Variants in STXBP5L observed in about 807,000 individuals in gnomAD.
STXBP5L encodes syntaxin binding protein 5L.
A neutral mutation model predicts 144.5 loss-of-function variants in STXBP5L; 65 were observed. That is an observed-to-expected ratio of 0.45 (90% CI 0.37 to 0.55). STXBP5L has a LOEUF of 0.55. Ranked by LOEUF, STXBP5L falls within the 20% of genes least tolerant of loss-of-function variation. The pLI is 0.00. For synonymous variants in STXBP5L, 505 were observed against 469.6 expected, an observed-to-expected ratio of 1.08 and a Z score of -0.97; for missense variants, 1,298 against 1,405.5, an observed-to-expected ratio of 0.92 and a Z score of 1.22.
In STXBP5L at chr3:121,351,334, G is replaced by C. The variant is rs987176539; in HGVS notation, c.2177-27382G>C. ...TTCCTCTGGAAGTTTTGTCTCAGAG[G>C]AGTACCCGGCCGTGTCAGGTGTCAG... On this transcript the variant is annotated intron_variant, in intron 20 of 26. Coordinates refer to ENST00000471454, the MANE Select transcript of STXBP5L (RefSeq NM_001308330.2). Among the ~76,000 whole-genome samples the C allele has an allele frequency of 2.0e-5, 3 of 152,254 alleles. No homozygotes were observed. The East Asian group carries it at 5.8e-4, about 29-fold the overall frequency.
intron 2 of STXBP5L, among the ~76,000 whole-genome samples, chr3:120,933,021 G>C (rs1317908920): frequency 6.9e-6 from 1 of 143,912 alleles, no homozygotes; most frequent in Admixed American, 7.1e-5. Context: ...CATAGGAAGG[G>C]GAACATCACA....
At chr3:120,934,020 T>C (rs1032317615) in intron 2 of STXBP5L, among the ~76,000 whole-genome samples, 6 of 114,366 alleles carry the variant, frequency 5.2e-5, no homozygotes, top group Admixed American at 5.0e-4. Flanking sequence ...AATTTTGAGC[T>C]TTTTTTTTGC....
intron 3 of STXBP5L, among the ~76,000 whole-genome samples, chr3:120,978,779 G>A (rs1468094445): frequency 1.3e-5 from 2 of 152,204 alleles, no homozygotes; most frequent in African/African-American, 2.4e-5. Flanking sequence ...ACCCTCAGCT[G>A]CAGGTCTGTT....
At chr3:121,086,129 A>T (rs1174453764) in intron 5 of STXBP5L, among the ~76,000 whole-genome samples, 1 of 152,136 alleles carries the variant, frequency 6.6e-6, no homozygotes, top group Admixed American at 6.5e-5. Flanking sequence ...TTAAAACTGG[A>T]CCCCTTCCTT....
In STXBP5L at chr3:121,110,936, C is replaced by A. The variant is rs367740807; in HGVS notation, c.471-3989C>A. On this transcript the variant is annotated intron_variant, in intron 5 of 26. Transcript: ENST00000471454. ...AGGTTTTATTCATTCCTTTTCATTC[C>A]TTTTTCTTTTTTTTCCTAATCTTAT... 3.3e-5 allele frequency among the ~76,000 whole-genome samples: 5 copies of A among 151,904 alleles called. No individual in the cohort carries two copies. The East Asian group carries it at 9.6e-4, about 29-fold the overall frequency.
At chr3:120,954,107 A>G (rs939018170) in intron 2 of STXBP5L, among the ~76,000 whole-genome samples, 1 of 152,116 alleles carries the variant, frequency 6.6e-6, no homozygotes, top group African/African-American at 2.4e-5. Context: ...AGGTATCTAT[A>G]TTATTTTGTG....
chr3:120,964,050 T>G (rs901164166), intron 3 of STXBP5L, among the ~76,000 whole-genome samples: 1 of 152,228 alleles, frequency 6.6e-6, no homozygotes, highest in Non-Finnish European at 1.5e-5. Flanking sequence ...ATTTTCTAGT[T>G]TATTTGCATA....
chr3:121,171,770 T>C (rs984401567), intron 9 of STXBP5L, among the ~76,000 whole-genome samples: 2 of 152,258 alleles, frequency 1.3e-5, no homozygotes, highest in African/African-American at 4.8e-5. Flanking sequence ...AAAATGGCCA[T>C]ACTGCCCAAA....
At chr3:121,367,600 T>TG (rs1376014111) in intron 20 of STXBP5L, among the ~76,000 whole-genome samples, 2 of 137,746 alleles carry the variant, frequency 1.5e-5, no homozygotes, top group Non-Finnish European at 3.1e-5. Context: ...CTCTTGTTTT[T>TG]TTTTTTTTTT....
intron 20 of STXBP5L, among the ~76,000 whole-genome samples, chr3:121,375,496 G>A (rs2046154867): frequency 6.6e-6 from 1 of 152,132 alleles, no homozygotes; most frequent in South Asian, 2.1e-4. Flanking sequence ...TATGTGATAT[G>A]AGAAAATTTT....
chr3:121,213,734 A>G (rs947176590), intron 10 of STXBP5L, among the ~76,000 whole-genome samples: 1 of 152,118 alleles, frequency 6.6e-6, no homozygotes, highest in Admixed American at 6.5e-5. Flanking sequence ...TCATAAAAAG[A>G]GTTAGGGAGG....
chr3:121,003,025 T>C (rs1943924325), intron 3 of STXBP5L, among the ~76,000 whole-genome samples: 2 of 152,296 alleles, frequency 1.3e-5, no homozygotes, highest in African/African-American at 4.8e-5. Flanking sequence ...TACGTGTGCA[T>C]GTGTCTTTAT....
At chr3:121,165,986 G>A (rs2046485607) in intron 9 of STXBP5L, among the ~76,000 whole-genome samples, 1 of 116,126 alleles carries the variant, frequency 8.6e-6, no homozygotes, top group African/African-American at 3.2e-5. Flanking sequence ...ATTCTCAAAT[G>A]TATTTTAGAC....
chr3:121,202,467 A>G (rs2048175553), intron 9 of STXBP5L, among the ~76,000 whole-genome samples: 1 of 152,308 alleles, frequency 6.6e-6, no homozygotes, highest in East Asian at 1.9e-4. Flanking sequence ...ATGTCATTGT[A>G]ATTATCTACC....
intron 3 of STXBP5L, among the ~76,000 whole-genome samples, chr3:120,973,958 T>G (rs58047229): frequency 1.3e-5 from 2 of 151,822 alleles, no homozygotes. Flanking sequence ...ACATTTGGGT[T>G]GGTTCCAAGT....
rs1344301016 is a variant in STXBP5L at position 121,314,590 on chromosome 3, AGAGGGAGAGG to A, written c.2111-3881_2111-3872del. Among the ~76,000 whole-genome samples, 4 of 418 alleles carry A rather than the reference AGAGGGAGAGG, an allele frequency of 9.6e-3. No individual in the cohort carries two copies. In the Non-Finnish European group the frequency reaches 0.1, roughly 10 times the overall value. 0.3% of individuals were successfully genotyped at this position (418 alleles called of 152,430 possible). On this transcript the variant is annotated intron_variant, in intron 19 of 26. Coordinates refer to ENST00000471454, the MANE Select transcript of STXBP5L (RefSeq NM_001308330.2). ...GGCATCAGAGGGAGACCGTGGAGGGAGAGGGAGAGGGAGAGGGAGAGGGAGAGGGAGAGGG... is the reference window on the plus strand; with the variant it reads ...GGCATCAGAGGGAGACCGTGGAGGGAGAGAGGGAGAGGGAGAGGGAGAGGG...
chr3:121,402,471 CCTTT>C (rs1301327898), intron 22 of STXBP5L, among the ~76,000 whole-genome samples: 1 of 152,114 alleles, frequency 6.6e-6, no homozygotes, highest in Non-Finnish European at 1.5e-5. Context: ...TCATGTTCCC[CCTTT>C]CTAACTTTAA....
chr3:121,413,166 G>A lies in STXBP5L; in HGVS notation c.2957G>A (p.Ser986Asn), dbSNP rs763182101. 44 of 1,594,406 alleles carry A rather than the reference G, an allele frequency of 2.8e-5. No homozygotes were observed. Among genetic ancestry groups the A allele is most frequent in the Non-Finnish European group, 3.8e-5 (44 of 1,172,734 alleles). The change falls in exon 24 of 27, where the codon AGT becomes AAT. Residue 986 changes from serine (S) to asparagine (N), a missense_variant. Transcript: ENST00000471454. Reference protein sequence around the residue: ...NGHIMIMSLPSLRPMLDVNYL... With the variant: ...NGHIMIMSLPNLRPMLDVNYL... ...TACTTTTTTCCATTCAGCCTACCTA[G>A]TCTTCGCCCAATGTTGGATGTTAAT...
Position 121,092,455 on chromosome 3 carries a change from G to T in STXBP5L, c.471-22470G>T, listed in dbSNP as rs560926292. ...ATCCTCTTTAAGTTCATTGAGCAGTGGTTTGTAGTTCTCCTTGAAGAGGTC... is the reference window on the plus strand; with the variant it reads ...ATCCTCTTTAAGTTCATTGAGCAGTTGTTTGTAGTTCTCCTTGAAGAGGTC... On this transcript the variant is annotated intron_variant, in intron 5 of 26. Coordinates refer to ENST00000471454, the MANE Select transcript of STXBP5L (RefSeq NM_001308330.2). Among the ~76,000 whole-genome samples, 388 of 152,210 alleles carry T rather than the reference G, an allele frequency of 2.5e-3. 4 individuals are homozygous for T. The highest frequency in any genetic ancestry group is 8.7e-3 in the African/African-American group (362 of 41,536).
Sources: gnomAD v4.1 joint callset for allele counts (sites outside exome capture counted in the v4.1 genomes callset) on GRCh38, gnomAD v4.1.1 for gene constraint, MANE v1.5 for transcripts, NCBI Gene and HGNC (gene_info 2026-07-23, HGNC 2026-07-21) for gene names.